GRM7: variants seen among roughly 807,000 people sequenced by gnomAD.
GRM7 encodes glutamate metabotropic receptor 7, also known as metabotropic glutamate receptor 7.
Under a neutral mutation model 84.5 loss-of-function variants are expected in GRM7, and 35 were observed. That is an observed-to-expected ratio of 0.41 (90% CI 0.32 to 0.55). The LOEUF (loss-of-function observed/expected upper bound fraction) is 0.55, where lower values mean the gene tolerates loss of function less well. Among genes scored for constraint, GRM7 ranks in the 20% least tolerant of loss-of-function variants. The probability of loss-of-function intolerance (pLI) is 0.19; values close to 1 mark genes in which losing one functional copy is unlikely to be tolerated. For synonymous variants in GRM7, 487 were observed against 455.1 expected, an observed-to-expected ratio of 1.07 and a Z score of -0.89; for missense variants, 1,003 against 1,194.6, an observed-to-expected ratio of 0.84 and a Z score of 2.36.
At chr3:7,013,156 A>T (rs1695441350) in intron 1 of GRM7, among the ~76,000 whole-genome samples, 1 of 151,664 alleles carries the variant, frequency 6.6e-6, no homozygotes, top group Non-Finnish European at 1.5e-5. Context: ...GTTCAGAAAC[A>T]GTAAGAAAAA....
intron 4 of GRM7, among the ~76,000 whole-genome samples, chr3:7,313,378 A>G (rs1257612667): frequency 1.3e-5 from 2 of 152,194 alleles, no homozygotes; most frequent in Admixed American, 1.3e-4. Flanking sequence ...ACCTTACTTA[A>G]GCTGTCAAAC....
chr3:7,083,897 C>A (rs1445215331), intron 1 of GRM7, among the ~76,000 whole-genome samples: 3 of 152,034 alleles, frequency 2.0e-5, no homozygotes, highest in Non-Finnish European at 4.4e-5. Flanking sequence ...GTAGAAACAC[C>A]AGCAACCTGA....
At chr3:7,389,553 TG>T (rs1457033708) in intron 4 of GRM7, among the ~76,000 whole-genome samples, 1 of 152,160 alleles carries the variant, frequency 6.6e-6, no homozygotes, top group Non-Finnish European at 1.5e-5. Flanking sequence ...CAATGTTGGA[TG>T]TGTGTACATT....
chr3:6,919,353 C>A lies in GRM7; in HGVS notation c.519+57446C>A, dbSNP rs1042678661. On this transcript the variant is annotated intron_variant, in intron 1 of 9. Coordinates refer to ENST00000357716, the MANE Select transcript of GRM7 (RefSeq NM_000844.4). The stretch of plus-strand genomic sequence containing the variant: ...AGCTGCGATTATAAGTGCCCACCAC[C>A]ATGCCTGGCTAATTTTTTTTTTTTT... 1.3e-4 allele frequency among the ~76,000 whole-genome samples: 19 copies of A among 146,954 alleles called. No individual in the cohort carries two copies. In the East Asian group the frequency reaches 3.6e-3, roughly 28 times the overall value.
chr3:7,608,704 A>C (rs1201457962), intron 8 of GRM7, among the ~76,000 whole-genome samples: 1 of 152,044 alleles, frequency 6.6e-6, no homozygotes, highest in Non-Finnish European at 1.5e-5. Context: ...GCTGTGTAGA[A>C]GCTTTTCAGT....
chr3:7,705,098 T>TA (rs1701344233), intron 9 of GRM7, among the ~76,000 whole-genome samples: 2 of 152,046 alleles, frequency 1.3e-5, no homozygotes, highest in Non-Finnish European at 2.9e-5. Context: ...CTAGAGTATC[T>TA]CATATACTCT....
chr3:7,191,635 C>T (rs1425290010), intron 2 of GRM7, among the ~76,000 whole-genome samples: 2 of 150,350 alleles, frequency 1.3e-5, no homozygotes, highest in African/African-American at 4.9e-5. Flanking sequence ...ATGAAACAAG[C>T]CAGTCTCAAA....
intron 4 of GRM7, among the ~76,000 whole-genome samples, chr3:7,375,283 A>C (rs551993071): frequency 7.2e-6 from 1 of 138,892 alleles, no homozygotes; most frequent in South Asian, 2.3e-4. Flanking sequence ...CAGTAGTATG[A>C]TCTCGGCTCA....
intron 1 of GRM7, chr3:6,893,096 A>G (rs1287691005): frequency 1.3e-5 from 2 of 152,142 alleles, no homozygotes; most frequent in Non-Finnish European, 2.9e-5. Flanking sequence ...AATCTCCACT[A>G]TGACCTAATG....
chr3:7,232,180 C>T (rs1318950356), intron 2 of GRM7, among the ~76,000 whole-genome samples: 1 of 151,956 alleles, frequency 6.6e-6, no homozygotes, highest in African/African-American at 2.4e-5. Context: ...ATGCTAGGGG[C>T]CTGACACAGC....
At chr3:7,166,259 G>A (rs1694795118) in intron 2 of GRM7, among the ~76,000 whole-genome samples, 1 of 152,196 alleles carries the variant, frequency 6.6e-6, no homozygotes, top group East Asian at 1.9e-4. Context: ...TCTAATAGTG[G>A]CGTCTATGAA....
intron 1 of GRM7, among the ~76,000 whole-genome samples, chr3:6,877,985 T>TATC (rs1483388829): frequency 1.3e-5 from 2 of 151,942 alleles, no homozygotes; most frequent in South Asian, 2.1e-4. Flanking sequence ...GTTACAACTC[T>TATC]ATCTACAGAT....
chr3:7,363,189 A>T (rs1435110895), intron 4 of GRM7, among the ~76,000 whole-genome samples: 2 of 151,680 alleles, frequency 1.3e-5, no homozygotes, highest in African/African-American at 2.4e-5. Flanking sequence ...ATAAAAATTA[A>T]GTATAAATAG....
intron 7 of GRM7, among the ~76,000 whole-genome samples, chr3:7,484,256 C>T (rs1699240480): frequency 6.6e-6 from 1 of 152,130 alleles, no homozygotes; most frequent in African/African-American, 2.4e-5. Context: ...TCTTGTTGGA[C>T]AGAATATACT....
chr3:7,632,251 A>G (rs1697888735), intron 8 of GRM7, among the ~76,000 whole-genome samples: 1 of 152,150 alleles, frequency 6.6e-6, no homozygotes, highest in Non-Finnish European at 1.5e-5. Flanking sequence ...ACATGACTTG[A>G]TTTACATTTC....
chr3:6,947,173 G>A (rs1307788272), intron 1 of GRM7, among the ~76,000 whole-genome samples: 1 of 152,176 alleles, frequency 6.6e-6, no homozygotes, highest in Non-Finnish European at 1.5e-5. Flanking sequence ...CATTCAGTAT[G>A]ATATTGGCTG....
At chr3:6,878,065 A>G (rs1305466422) in intron 1 of GRM7, among the ~76,000 whole-genome samples, 1 of 152,050 alleles carries the variant, frequency 6.6e-6, no homozygotes, top group Non-Finnish European at 1.5e-5. Context: ...CCAATACAGC[A>G]TGTCCCAAAT....
chr3:7,403,691 ATATG>A (rs1433112378), intron 4 of GRM7, among the ~76,000 whole-genome samples: 2 of 148,104 alleles, frequency 1.4e-5, no homozygotes, highest in Non-Finnish European at 3.0e-5. Context: ...ACACACATAT[ATATG>A]TGTATATATA....
intron 4 of GRM7, among the ~76,000 whole-genome samples, chr3:7,324,199 A>T (rs190209298): frequency 1.2e-4 from 18 of 152,256 alleles, no homozygotes; most frequent in African/African-American, 4.3e-4. Flanking sequence ...CAGCATCATG[A>T]TTTTCATCCC....
Sources: gnomAD v4.1 joint callset for allele counts (sites outside exome capture counted in the v4.1 genomes callset) on GRCh38, gnomAD v4.1.1 for gene constraint, MANE v1.5 for transcripts, NCBI Gene and HGNC (gene_info 2026-07-23, HGNC 2026-07-21) for gene names.